UPF2: variants seen among roughly 807,000 people sequenced by gnomAD.
UPF2 encodes UPF2 regulator of nonsense mediated mRNA decay, also known as regulator of nonsense transcripts 2.
Under a neutral mutation model 141.4 loss-of-function variants are expected in UPF2, and 17 were observed. That is an observed-to-expected ratio of 0.12 (90% confidence interval 0.08 to 0.18). The LOEUF is 0.18. Ranked by LOEUF, UPF2 falls within the 10% of genes least tolerant of loss-of-function variation. The pLI is 1.00. For synonymous variants in UPF2, 540 were observed against 498.0 expected (o/e 1.08, Z -1.12); for missense variants, 1,152 against 1,515.9 (o/e 0.76, Z 3.99).
In UPF2 at chr10:12,026,598, CT is replaced by C. The variant is rs1834423634; in HGVS notation, c.1145+2146del. On this transcript the variant is annotated intron_variant, in intron 3 of 21. Transcript: ENST00000357604. ...TTCCTTCCCCAACCACTGGACACTT[CT>C]GTAAAAATATAGTAAGAATACCATG... The C allele has an allele frequency of 8.0e-5, 36 of 448,488 alleles. 2 individuals carry two copies. Among genetic ancestry groups the C allele is most frequent in the South Asian group, 5.6e-4 (35 of 62,958 alleles). 27.8% of individuals were successfully genotyped at this position (448,488 alleles called of 1,614,324 possible).
intron 18 of UPF2, among the ~76,000 whole-genome samples, chr10:11,941,752 G>A (rs144859749): frequency 2.6e-5 from 4 of 152,168 alleles, no homozygotes; most frequent in East Asian, 1.9e-4. Flanking sequence ...CACTCGTCAC[G>A]TCACCAAAGG....
chr10:12,018,306 G>A (rs868728530), intron 3 of UPF2, among the ~76,000 whole-genome samples: 1 of 152,254 alleles, frequency 6.6e-6, no homozygotes, highest in Middle Eastern at 3.4e-3. Context: ...AAATTGGCCA[G>A]GTGCTATGGC....
Position 12,001,837 on chromosome 10 carries a change from C to G in UPF2, c.1505-12G>C, listed in dbSNP as rs376060830. The G allele has an allele frequency of 6.3e-7, 1 of 1,577,000 alleles. No homozygotes were observed. Among genetic ancestry groups the G allele is most frequent in the Admixed American group, 1.9e-5 (1 of 52,442 alleles). The stretch of plus-strand genomic sequence containing the variant: ...AGATTCTTTTGCCTCTGTTGAAAAA[C>G]AAACAAGTATACCTAAATTCAAAGT... On this transcript the variant is annotated splice_polypyrimidine_tract_variant and intron_variant, in intron 5 of 21. Transcript: ENST00000357604.
chr10:11,947,665 C>A (rs534037405), intron 16 of UPF2, among the ~76,000 whole-genome samples: 71 of 150,186 alleles, frequency 4.7e-4, no homozygotes, highest in African/African-American at 1.7e-3. Context: ...CACGTCCACA[C>A]GGTCTCAGCT....
At position 11,965,529 on chromosome 10, in the gene UPF2, G is replaced by A. The variant is rs976856642; in HGVS notation, c.2068-1404C>T. Among the ~76,000 whole-genome samples the A allele has an allele frequency of 4.6e-5, 7 of 152,120 alleles. 1 individual carries two copies. In the East Asian group the frequency reaches 1.2e-3, roughly 25 times the overall value. ...GTCTGGAGTGCAGTGGCGCAATCTC[G>A]GCTCACTGCGAGCTCCACCTCTCAG... is the stretch of plus-strand genomic sequence containing the variant. On this transcript the variant is annotated intron_variant, in intron 10 of 21. Transcript: ENST00000357604.
intron 21 of UPF2, among the ~76,000 whole-genome samples, chr10:11,922,815 AG>A (rs1314295068): frequency 6.6e-6 from 1 of 152,212 alleles, no homozygotes; most frequent in East Asian, 1.9e-4. Context: ...ACTCTACTTA[AG>A]ATAGGTTTAC....
At chr10:12,001,933 T>G (rs1184054156) in intron 5 of UPF2, 108 bp from the exon 6 acceptor site, 1 of 1,003,650 alleles carries the variant, frequency 1.0e-6, no homozygotes, top group South Asian at 2.0e-5. Context: ...AGAAGCTGCA[T>G]GTATACCTGG....
At chr10:11,965,467 T>C (rs1425195850) in intron 10 of UPF2, among the ~76,000 whole-genome samples, 1 of 152,152 alleles carries the variant, frequency 6.6e-6, no homozygotes, top group Non-Finnish European at 1.5e-5. Flanking sequence ...GTATTTTATT[T>C]ATTTATTTTT....
intron 8 of UPF2, among the ~76,000 whole-genome samples, chr10:11,986,856 A>T (rs1833700204): frequency 6.6e-6 from 1 of 152,200 alleles, no homozygotes; most frequent in South Asian, 2.1e-4. Context: ...TGAGTGAAGG[A>T]GGAGGTCCAA....
chr10:11,927,506 G>A (rs1040071645), intron 21 of UPF2, among the ~76,000 whole-genome samples: 1 of 152,130 alleles, frequency 6.6e-6, no homozygotes, highest in Non-Finnish European at 1.5e-5. Flanking sequence ...GAACACTGTG[G>A]CATATATTTA....
rs1365825103 is a variant in UPF2 at position 11,990,856 on chromosome 10, C to T, written c.1844+6816G>A. ...ACAAAATATTAGCTGGGCGTGGTGG[C>T]GGGCACCTGTAGTGTCAGCTACTTG... On this transcript the variant is annotated intron_variant, in intron 8 of 21. Coordinates refer to ENST00000357604, the MANE Select transcript of UPF2 (RefSeq NM_015542.4). 5.3e-5 allele frequency among the ~76,000 whole-genome samples: 8 copies of T among 151,356 alleles called. No individual in the cohort carries two copies. In the South Asian group the frequency reaches 6.3e-4, roughly 12 times the overall value.
Position 11,921,002 on chromosome 10 carries a change from C to T in UPF2, c.*296G>A. ...CTTCACGCTCTCCTTGGTGTAACTG[C>T]TCAGTAGTCAAGTGAACCATCTCAT... On this transcript the variant is annotated 3_prime_UTR_variant, in exon 22 of 22. Transcript: ENST00000357604. This position sits in a 1 kb window ranked among gnomAD's most constrained non-coding sequence, Gnocchi z 5.9. 1.5e-6 allele frequency: 1 copy of T among 646,088 alleles called. No individual in the cohort carries two copies. Among genetic ancestry groups the T allele is most frequent in the South Asian group, 1.4e-5 (1 of 72,512 alleles). 40.0% of individuals were successfully genotyped at this position (646,088 alleles called of 1,614,324 possible).
At chr10:12,030,754 C>T (rs1276437471) in intron 2 of UPF2, among the ~76,000 whole-genome samples, 2 of 150,858 alleles carry the variant, frequency 1.3e-5, no homozygotes, top group Non-Finnish European at 2.9e-5. Context: ...CATGGTTGCA[C>T]GCGCCTGTAG....
rs1833567392 is a variant in UPF2 at position 11,980,045 on chromosome 10, T to G, written c.1845-880A>C. ...CTCAGATCTTCATTCAGGATCTTAA[T>G]TTGGACAGTAAATGGCAAATATGTG... On this transcript the variant is annotated intron_variant, in intron 8 of 21. Coordinates refer to ENST00000357604, the MANE Select transcript of UPF2 (RefSeq NM_015542.4). The surrounding 1 kb of genome is among the most constrained non-coding windows in gnomAD (Gnocchi z 4.2). Among the ~76,000 whole-genome samples, 1 of 152,244 alleles carries G rather than the reference T, an allele frequency of 6.6e-6. No individual in the cohort carries two copies. Among genetic ancestry groups the G allele is most frequent in the Admixed American group, 6.5e-5 (1 of 15,278 alleles).
chr10:12,030,497 C>A (rs946738220), intron 2 of UPF2, among the ~76,000 whole-genome samples: 5 of 151,450 alleles, frequency 3.3e-5, no homozygotes, highest in African/African-American at 1.2e-4. Context: ...CCAAGATCTC[C>A]CAACTGCACT....
intron 4 of UPF2, among the ~76,000 whole-genome samples, chr10:12,006,785 G>T (rs921595828): frequency 1.3e-5 from 2 of 152,170 alleles, no homozygotes; most frequent in African/African-American, 4.8e-5. Context: ...AGAATTTCCT[G>T]AGTGAAAGGA....
Position 11,959,231 on chromosome 10 carries a change from A to G in UPF2, c.2310T>C (p.Pro770=). The part of the protein sequence containing the change: ...AEKTVKKKRP[P]LQEYVRKLLY... ...AAAGTTTCCGGACATATTCCTGGAG[A>G]GGAGGACGTTTCTTTTTCACGGTTT... The change falls in exon 12 of 22, where the codon CCT becomes CCC. Residue 770 remains proline, a synonymous_variant. Coordinates refer to ENST00000357604, the MANE Select transcript of UPF2 (RefSeq NM_015542.4). The surrounding 1 kb of genome is among the most constrained non-coding windows in gnomAD (Gnocchi z 5.9). 6.2e-7 allele frequency: 1 copy of G among 1,613,648 alleles called. No homozygotes were observed. Among genetic ancestry groups the G allele is most frequent in the East Asian group, 2.2e-5 (1 of 44,860 alleles).
At chr10:12,024,172 T>C (rs1834367693) in intron 3 of UPF2, among the ~76,000 whole-genome samples, 2 of 151,990 alleles carry the variant, frequency 1.3e-5, no homozygotes, top group African/African-American at 2.4e-5. Context: ...AAACACCTAC[T>C]AGATGAGAGG....
Position 12,019,598 on chromosome 10 carries a change from C to A in UPF2, c.1146-5414G>T, listed in dbSNP as rs1370600680. Among the ~76,000 whole-genome samples the A allele has an allele frequency of 6.6e-6, 1 of 152,334 alleles. No individual in the cohort carries two copies. Among genetic ancestry groups the A allele is most frequent in the East Asian group, 1.9e-4 (1 of 5,194 alleles). Reference sequence around the variant, plus strand: ...AAACAGTAAGTAATGAGAACAAAATCTATGCCAACTCTTATGCTTTGTTAT... The same window carrying A: ...AAACAGTAAGTAATGAGAACAAAATATATGCCAACTCTTATGCTTTGTTAT... On this transcript the variant is annotated intron_variant, in intron 3 of 21. Transcript: ENST00000357604. This position sits in a 1 kb window ranked among gnomAD's most constrained non-coding sequence, Gnocchi z 4.5.
Sources: allele counts gnomAD v4.1 joint callset (sites outside exome capture counted in the v4.1 genomes callset), GRCh38; gene constraint gnomAD v4.1.1; non-coding constraint Gnocchi (gnomAD v3.1); transcripts MANE v1.5; gene names NCBI Gene and HGNC (gene_info 2026-07-23, HGNC 2026-07-21).